Variants in GMPS observed in about 807,000 individuals in gnomAD.
The protein encoded by GMPS is GMP synthase [glutamine-hydrolyzing].
GMPS carries 15 observed loss-of-function variants against 77.9 expected under a neutral mutation model. That is an observed-to-expected ratio of 0.19 (90% CI 0.13 to 0.30). The LOEUF (loss-of-function observed/expected upper bound fraction) is 0.30. GMPS is among the 10% of genes least tolerant of loss of function. The pLI, the probability that GMPS is intolerant of heterozygous loss-of-function variation, is 1.00. For synonymous variants in GMPS, 224 were observed against 275.9 expected (o/e 0.81, Z 1.86); for missense variants, 590 against 838.8 (o/e 0.70, Z 3.66).
rs932537572 is a variant in GMPS at position 155,940,906 on chromosome 3, A to G, written c.*3214A>G. 9.3e-6 allele frequency: 2 copies of G among 215,004 alleles called. No individual in the cohort carries two copies. Among genetic ancestry groups the G allele is most frequent in the African/African-American group, 4.5e-5 (2 of 44,336 alleles). The allele number at this position is 215,004 out of a possible 1,614,324, so 13.3% of individuals were successfully genotyped here. On this transcript the variant is annotated 3_prime_UTR_variant, in exon 16 of 16. Transcript: ENST00000496455. ...GTGAGATGACACTTGAAAAACACCC[A>G]TCAAAGTTTTCCTGGTAGGAATCTC...
chr3:155,913,316 T>C (rs1160138615), intron 7 of GMPS, among the ~76,000 whole-genome samples: 1 of 152,210 alleles, frequency 6.6e-6, no homozygotes, highest in African/African-American at 2.4e-5. Context: ...TCTTAGTTTT[T>C]AGTTTCTTGT....
At chr3:155,923,127 A>G (rs983133306) in intron 11 of GMPS, among the ~76,000 whole-genome samples, 14 of 152,196 alleles carry the variant, frequency 9.2e-5, no homozygotes, top group Non-Finnish European at 1.9e-4. Flanking sequence ...GTAAATAGAA[A>G]TAAGCTATTC....
chr3:155,893,847 G>C (rs1353065450), intron 2 of GMPS, 148 bp downstream of exon 2: 1 of 508,632 alleles, frequency 2.0e-6, no homozygotes, highest in Admixed American at 3.8e-5. Flanking sequence ...GATTTGGGGA[G>C]AAAAAGGAAA....
intron 1 of GMPS, among the ~76,000 whole-genome samples, chr3:155,882,031 G>A (rs979934787): frequency 2.6e-5 from 4 of 152,028 alleles, no homozygotes; most frequent in Admixed American, 6.5e-5. Context: ...TCGCACCACC[G>A]CACTCCAACC....
chr3:155,936,191 AGTAGC>A lies in GMPS; in HGVS notation c.1808-146_1808-142del, dbSNP rs1755761403. The A allele has an allele frequency of 6.6e-6, 4 of 602,466 alleles. No individual in the cohort carries two copies. The East Asian group carries it at 1.1e-4, about 17-fold the overall frequency. 37.3% of individuals were successfully genotyped at this position (602,466 alleles called of 1,614,324 possible). ...TTAAGTCCATTTAAAATGCTCTGCG[AGTAGC>A]TGAAATCAATGCATGATGACAGTCT... On this transcript the variant is annotated intron_variant, in intron 14 of 15. Coordinates refer to ENST00000496455, the MANE Select transcript of GMPS (RefSeq NM_003875.3).
intron 10 of GMPS, among the ~76,000 whole-genome samples, chr3:155,921,954 A>G (rs960155664): frequency 6.6e-6 from 1 of 152,200 alleles, no homozygotes; most frequent in South Asian, 2.1e-4. Flanking sequence ...ACGTATGCAT[A>G]ATTTAAATGT....
chr3:155,914,623 G>T (rs1755127181), intron 8 of GMPS, 53 bp downstream of exon 8: 2 of 1,201,246 alleles, frequency 1.7e-6, no homozygotes, highest in East Asian at 2.6e-5. Flanking sequence ...GTGAATCTTA[G>T]TATTTGTTTT....
At chr3:155,888,666 A>G (rs1398965753) in intron 1 of GMPS, among the ~76,000 whole-genome samples, 1 of 151,270 alleles carries the variant, frequency 6.6e-6, no homozygotes, top group Non-Finnish European at 1.5e-5. Flanking sequence ...GCTCGCTGCA[A>G]CCTTCACCTC....
intron 11 of GMPS, among the ~76,000 whole-genome samples, chr3:155,924,140 A>G (rs922031054): frequency 7.9e-5 from 12 of 152,188 alleles, no homozygotes; most frequent in African/African-American, 2.9e-4. Flanking sequence ...CGGCCTCCCA[A>G]AGTGCTGGGA....
At chr3:155,917,001 G>A (rs1233986173) in intron 9 of GMPS, among the ~76,000 whole-genome samples, 1 of 148,188 alleles carries the variant, frequency 6.7e-6, no homozygotes, top group Non-Finnish European at 1.5e-5. Context: ...TTGAGACAGA[G>A]TCTCACTCTA....
At position 155,896,554 on chromosome 3, in the gene GMPS, AT is replaced by A. The variant is rs200564250; in HGVS notation, c.210-1363del. Among the ~76,000 whole-genome samples the A allele has an allele frequency of 3.7e-4, 55 of 148,176 alleles. 1 individual carries two copies. The highest frequency in any genetic ancestry group is 1.2e-3 in the African/African-American group (49 of 40,392). The stretch of plus-strand genomic sequence containing the variant: ...TAAAAAATGATCTAGCTTGCTGAGT[AT>A]TTTTTTTTTCTCTCACTGTTTTGGT... On this transcript the variant is annotated intron_variant, in intron 2 of 15. Transcript: ENST00000496455.
At chr3:155,909,731 C>T (rs2108100631) in intron 5 of GMPS, among the ~76,000 whole-genome samples, 1 of 152,102 alleles carries the variant, frequency 6.6e-6, no homozygotes, top group Non-Finnish European at 1.5e-5. Context: ...AGGAGGATTA[C>T]TTGAGCCCAG....
chr3:155,895,703 TC>T (rs963933837), intron 2 of GMPS, among the ~76,000 whole-genome samples: 18 of 152,210 alleles, frequency 1.2e-4, no homozygotes, highest in Admixed American at 1.2e-3. Flanking sequence ...CAGGTTACTT[TC>T]AGAATAGCAG....
intron 3 of GMPS, 47 bp downstream of exon 3, chr3:155,898,088 T>C: frequency 2.2e-6 from 2 of 894,246 alleles, no homozygotes; most frequent in Non-Finnish European, 3.8e-6. Flanking sequence ...TTTTATTCTG[T>C]TTGTGAGTCA....
chr3:155,905,305 CTTA>C (rs1754846480), intron 4 of GMPS, among the ~76,000 whole-genome samples: 1 of 152,062 alleles, frequency 6.6e-6, no homozygotes, highest in Non-Finnish European at 1.5e-5. Flanking sequence ...CTGGCCGTTC[CTTA>C]TTATTATTTA....
chr3:155,925,105 G>T, intron 11 of GMPS, 136 bp from the exon 12 acceptor site: 1 of 681,630 alleles, frequency 1.5e-6, no homozygotes, highest in Admixed American at 3.0e-5. Flanking sequence ...ATAGTGCATA[G>T]CACACACAAC....
upstream of GMPS, chr3:155,870,649 C>G: frequency 2.1e-6 from 1 of 475,264 alleles, no homozygotes; most frequent in Non-Finnish European, 3.8e-6. Flanking sequence ...GAGGCGGGGG[C>G]AGCGTGCGCG....
intron 1 of GMPS, among the ~76,000 whole-genome samples, chr3:155,882,807 C>T (rs1754241541): frequency 6.6e-6 from 1 of 152,156 alleles, no homozygotes; most frequent in Non-Finnish European, 1.5e-5. Context: ...CCTTCACTAA[C>T]TATGTGGTTA....
chr3:155,919,142 G>T lies in GMPS; in HGVS notation c.1213-91G>T, dbSNP rs1755257118. 6.6e-6 allele frequency: 4 copies of T among 602,670 alleles called. No homozygotes were observed. In the South Asian group the frequency reaches 9.5e-5, roughly 14 times the overall value. The allele number at this position is 602,670 out of a possible 1,614,324, so 37.3% of individuals were successfully genotyped here. ...ATAATCTGTTAGTCTAAGAAAAGTG[G>T]TAACAGGAAAAGCCAATAATTTATT... On this transcript the variant is annotated intron_variant, in intron 9 of 15. Transcript: ENST00000496455.
Sources: gnomAD v4.1 joint callset for allele counts (sites outside exome capture counted in the v4.1 genomes callset) on GRCh38, gnomAD v4.1.1 for gene constraint, MANE v1.5 for transcripts, NCBI Gene and HGNC (gene_info 2026-07-23, HGNC 2026-07-21) for gene names.